Variants in PDSS2 observed in about 807,000 individuals in gnomAD.
PDSS2 encodes the protein decaprenyl diphosphate synthase subunit 2.
A neutral mutation model predicts 44.5 loss-of-function variants in PDSS2; 31 were observed. The observed-to-expected ratio is 0.70, with a 90% CI of 0.52 to 0.94. The LOEUF is 0.94. Among genes scored for constraint, PDSS2 ranks in the 40% least tolerant of loss-of-function variants. The pLI, the probability that PDSS2 is intolerant of heterozygous loss-of-function variation, is 0.00. For synonymous variants in PDSS2, 157 were observed against 180.3 expected, an observed-to-expected ratio of 0.87 and a Z score of 1.03; for missense variants, 452 against 482.2, an observed-to-expected ratio of 0.94 and a Z score of 0.59.
In PDSS2 at chr6:107,153,455, A is replaced by G. The variant is rs1465574965; in HGVS notation, c.*1164T>C. ...TGAGGTTAAAAGAACACTCTCACCA[A>G]TGAATTCCCTAGTACAAAAATTCTG... On this transcript the variant is annotated 3_prime_UTR_variant, in exon 8 of 8. Transcript: ENST00000369037. The G allele has an allele frequency of 6.6e-6, 1 of 152,630 alleles. No individual in the cohort carries two copies. Among genetic ancestry groups the G allele is most frequent in the Non-Finnish European group, 1.5e-5 (1 of 68,044 alleles). 9.5% of individuals were successfully genotyped at this position (152,630 alleles called of 1,614,324 possible).
At chr6:107,211,644 C>T (rs535074046) in intron 5 of PDSS2, among the ~76,000 whole-genome samples, 66 of 150,890 alleles carry the variant, frequency 4.4e-4, no homozygotes, top group African/African-American at 1.4e-3. Context: ...GCAGGAGAAT[C>T]GCTTGAACCT....
chr6:107,174,044 G>A (rs782541355), intron 7 of PDSS2, among the ~76,000 whole-genome samples: 1 of 152,164 alleles, frequency 6.6e-6, no homozygotes, highest in African/African-American at 2.4e-5. Context: ...GGCAGGAATG[G>A]TCTCACAGCA....
intron 1 of PDSS2, among the ~76,000 whole-genome samples, chr6:107,353,123 C>T (rs1200364335): frequency 1.3e-5 from 2 of 152,060 alleles, no homozygotes; most frequent in Non-Finnish European, 2.9e-5. Flanking sequence ...CCTATGTCAT[C>T]TGCCCCACTG....
chr6:107,398,240 T>C (rs1255658323), intron 1 of PDSS2, among the ~76,000 whole-genome samples: 1 of 152,154 alleles, frequency 6.6e-6, no homozygotes, highest in Non-Finnish European at 1.5e-5. Flanking sequence ...TGCAACAAAG[T>C]GGAAGCAGAA....
chr6:107,387,852 T>A (rs1332503182), intron 1 of PDSS2, among the ~76,000 whole-genome samples: 1 of 152,208 alleles, frequency 6.6e-6, no homozygotes, highest in Non-Finnish European at 1.5e-5. Flanking sequence ...GGAGCAAATG[T>A]TACAAAAATG....
intron 1 of PDSS2, among the ~76,000 whole-genome samples, chr6:107,379,915 GTATAA>G (rs1779404883): frequency 6.6e-6 from 1 of 151,782 alleles, no homozygotes; most frequent in South Asian, 2.1e-4. Flanking sequence ...TATATATTAT[GTATAA>G]TATGTTTTTC....
chr6:107,234,497 G>T (rs76676922), intron 4 of PDSS2, among the ~76,000 whole-genome samples: 1 of 151,254 alleles, frequency 6.6e-6, no homozygotes, highest in East Asian at 1.9e-4. Flanking sequence ...AAGCCACCAC[G>T]CCTGGCTCTA....
At chr6:107,154,835 C>T in intron 7 of PDSS2, 58 bp from the exon 8 acceptor site, 2 of 1,468,982 alleles carry the variant, frequency 1.4e-6, no homozygotes, top group Non-Finnish European at 1.9e-6. Context: ...GTAAGCACCA[C>T]AATTAAATTG....
At chr6:107,269,687 A>T (rs1775531994) in intron 3 of PDSS2, among the ~76,000 whole-genome samples, 1 of 152,030 alleles carries the variant, frequency 6.6e-6, no homozygotes. Flanking sequence ...TTTGACACAG[A>T]GTTTCACCCT....
At chr6:107,283,105 G>A (rs939785720) in intron 2 of PDSS2, among the ~76,000 whole-genome samples, 2 of 151,202 alleles carry the variant, frequency 1.3e-5, no homozygotes, top group Non-Finnish European at 3.0e-5. Flanking sequence ...GGATTGCTTC[G>A]CCCAGGAGTT....
chr6:107,251,682 G>T (rs913365854), intron 3 of PDSS2, among the ~76,000 whole-genome samples: 1 of 152,126 alleles, frequency 6.6e-6, no homozygotes, highest in Non-Finnish European at 1.5e-5. Context: ...AGTCTCTTTT[G>T]AAAGAGCTTT....
intron 1 of PDSS2, among the ~76,000 whole-genome samples, chr6:107,426,609 A>T (rs1252466518): frequency 6.6e-6 from 1 of 152,196 alleles, no homozygotes; most frequent in Non-Finnish European, 1.5e-5. Flanking sequence ...ACTCAACACC[A>T]GCCCATGAAA....
At chr6:107,269,353 TG>T (rs1184403093) in intron 3 of PDSS2, among the ~76,000 whole-genome samples, 61 of 151,560 alleles carry the variant, frequency 4.0e-4, no homozygotes, top group Non-Finnish European at 7.4e-4. Context: ...TGTGTGTGTG[TG>T]TGTGTGTGTG....
intron 7 of PDSS2, among the ~76,000 whole-genome samples, chr6:107,175,231 ATC>A (rs1421455519): frequency 6.5e-5 from 9 of 138,328 alleles, no homozygotes; most frequent in Admixed American, 2.1e-4. Context: ...AAAAAAAAAG[ATC>A]TCTCTCTCTC....
chr6:107,421,950 T>C (rs1356588525), intron 1 of PDSS2, among the ~76,000 whole-genome samples: 1 of 151,852 alleles, frequency 6.6e-6, no homozygotes, highest in African/African-American at 2.4e-5. Flanking sequence ...ATGCAAGATG[T>C]TACCACGGGG....
At chr6:107,269,390 G>A (rs552263593) in intron 3 of PDSS2, among the ~76,000 whole-genome samples, 1 of 133,256 alleles carries the variant, frequency 7.5e-6, no homozygotes, top group Non-Finnish European at 1.6e-5. Flanking sequence ...TTTATTCAAA[G>A]TAGGAGCACC....
At chr6:107,357,512 G>C (rs754551923) in intron 1 of PDSS2, among the ~76,000 whole-genome samples, 35 of 152,048 alleles carry the variant, frequency 2.3e-4, no homozygotes, top group Admixed American at 9.2e-4. Flanking sequence ...AAAAATTGAT[G>C]AATGACCTTT....
chr6:107,301,752 A>C (rs148767311), intron 2 of PDSS2, among the ~76,000 whole-genome samples: 2,415 of 152,084 alleles, frequency 0.016, 63 homozygotes, highest in African/African-American at 0.056. Flanking sequence ...TCACGAGGTC[A>C]AGAGTTTGAG....
chr6:107,388,832 T>G (rs1779693325), intron 1 of PDSS2, among the ~76,000 whole-genome samples: 1 of 152,084 alleles, frequency 6.6e-6, no homozygotes, highest in Non-Finnish European at 1.5e-5. Flanking sequence ...AAAAGAAGAA[T>G]GGGTAAACAA....
Sources: allele counts gnomAD v4.1 joint callset (sites outside exome capture counted in the v4.1 genomes callset), GRCh38; gene constraint gnomAD v4.1.1; transcripts MANE v1.5; gene names NCBI Gene and HGNC (gene_info 2026-07-23, HGNC 2026-07-21).